Variants in MCC observed in about 807,000 individuals in gnomAD.
MCC encodes MCC regulator of Wnt signaling pathway.
Under a neutral mutation model 116.2 loss-of-function variants are expected in MCC, and 90 were observed. That is an observed-to-expected ratio of 0.77 (90% CI 0.65 to 0.92). The LOEUF (loss-of-function observed/expected upper bound fraction) is 0.92. Ranked by LOEUF, MCC falls within the 40% of genes least tolerant of loss-of-function variation. The probability of loss-of-function intolerance (pLI) is 0.00; values close to 1 mark genes in which losing one functional copy is unlikely to be tolerated. For missense variants in MCC, 1,516 were observed against 1,312.2 expected (o/e 1.16, Z -2.40); for synonymous variants, 578 against 510.5 (o/e 1.13, Z -1.78).
At chr5:113,226,222 C>T (rs1054689740) in intron 3 of MCC, among the ~76,000 whole-genome samples, 1 of 152,156 alleles carries the variant, frequency 6.6e-6, no homozygotes, top group Non-Finnish European at 1.5e-5. Flanking sequence ...ACACAAGAAA[C>T]CTTTCTGGAG....
rs146521929 is a variant in MCC at position 113,469,240 on chromosome 5, G to A, written c.170+19005C>T. ...CTTATGCTAGCTTTTGAATGTGTTT[G>A]CTCTTGCTTTTCTAGTTCTTTTAAT... On this transcript the variant is annotated intron_variant, in intron 1 of 18. Transcript: ENST00000408903. Among the ~76,000 whole-genome samples the A allele has an allele frequency of 6.0e-3, 915 of 152,138 alleles. 8 individuals carry two copies. The highest frequency in any genetic ancestry group is 0.021 in the African/African-American group (855 of 41,488).
chr5:113,314,482 T>A (rs1204262880), intron 3 of MCC, among the ~76,000 whole-genome samples: 1 of 152,246 alleles, frequency 6.6e-6, no homozygotes, highest in Non-Finnish European at 1.5e-5. Flanking sequence ...CTCCACACAG[T>A]ATAGAGCCGG....
chr5:113,199,134 C>G (rs889090288), intron 3 of MCC, among the ~76,000 whole-genome samples: 1 of 151,988 alleles, frequency 6.6e-6, no homozygotes, highest in Non-Finnish European at 1.5e-5. Context: ...CACCACTGCA[C>G]TCCATCCAGC....
At position 113,082,868 on chromosome 5, in the gene MCC, C is replaced by T. The variant is rs1381035786; in HGVS notation, c.1776G>A (p.Arg592=). The part of the protein sequence containing the change: ...KIREFEVETE[R]LNSRIEHLKS... The stretch of plus-strand genomic sequence containing the variant: ...ATACGATCTCTCCTCACCTATTCAG[C>T]CGTTCTGTTTCCACCTCAAACTCTC... Residue 592 remains arginine (R), a synonymous_variant, in exon 11 of 19, where the codon CGG becomes CGA. Transcript: ENST00000408903. 1.9e-6 allele frequency: 3 copies of T among 1,613,856 alleles called. No homozygotes were observed. Among genetic ancestry groups the T allele is most frequent in the African/African-American group, 1.3e-5 (1 of 74,924 alleles).
At chr5:113,277,518 G>A (rs576438840) in intron 3 of MCC, among the ~76,000 whole-genome samples, 53 of 152,192 alleles carry the variant, frequency 3.5e-4, no homozygotes, top group African/African-American at 1.3e-3. Context: ...CTTTCTGTAA[G>A]GAGTCCAAGG....
intron 4 of MCC, among the ~76,000 whole-genome samples, chr5:113,149,170 T>TATAAATTAG (rs1049238108): frequency 2.0e-5 from 3 of 152,070 alleles, no homozygotes; most frequent in Non-Finnish European, 2.9e-5. Context: ...TTTGGGTGGG[T>TATAAATTAG]ATAAATTAGA....
intron 5 of MCC, among the ~76,000 whole-genome samples, chr5:113,136,575 T>C (rs1245902492): frequency 1.3e-5 from 2 of 152,210 alleles, no homozygotes. Context: ...AATCAAAATT[T>C]AAACCTTTTT....
intron 3 of MCC, among the ~76,000 whole-genome samples, chr5:113,272,625 T>C (rs569966028): frequency 6.6e-6 from 1 of 152,322 alleles, no homozygotes; most frequent in South Asian, 2.1e-4. Context: ...ATGTTTCCGC[T>C]TCCAACAGCT....
chr5:113,219,358 G>A (rs1388044248), intron 3 of MCC, among the ~76,000 whole-genome samples: 1 of 152,174 alleles, frequency 6.6e-6, no homozygotes, highest in African/African-American at 2.4e-5. Context: ...CTGAACTCCT[G>A]TGAGGACTTC....
intron 3 of MCC, among the ~76,000 whole-genome samples, chr5:113,317,058 T>A (rs1229890895): frequency 6.6e-6 from 1 of 152,186 alleles, no homozygotes; most frequent in Non-Finnish European, 1.5e-5. Flanking sequence ...GCTGTCTTCA[T>A]CAGATTTCAC....
chr5:113,246,403 C>T (rs1326772596), intron 3 of MCC, among the ~76,000 whole-genome samples: 2 of 152,136 alleles, frequency 1.3e-5, no homozygotes, highest in Non-Finnish European at 2.9e-5. Context: ...GAAAAGCCTA[C>T]CCCACAGAAA....
At position 113,187,672 on chromosome 5, in the gene MCC, G is replaced by A. The variant is rs559865957; in HGVS notation, c.628-36250C>T. Among the ~76,000 whole-genome samples, 438 of 151,514 alleles carry A rather than the reference G, an allele frequency of 2.9e-3. 14 individuals carry two copies. The highest frequency in any genetic ancestry group is 1.0e-3 in the Non-Finnish European group (68 of 67,868). On this transcript the variant is annotated intron_variant, in intron 3 of 18. Transcript: ENST00000408903. ...TGGGAGGCTGAGGCGAGAGAATGGCGTGAACCCAGGAGGCGGAGCTTGCAG... is the reference window on the plus strand; with the variant it reads ...TGGGAGGCTGAGGCGAGAGAATGGCATGAACCCAGGAGGCGGAGCTTGCAG...
intron 2 of MCC, among the ~76,000 whole-genome samples, chr5:113,370,774 C>A (rs1337949632): frequency 2.6e-5 from 4 of 152,016 alleles, no homozygotes; most frequent in Non-Finnish European, 5.9e-5. Context: ...ACACAGACAC[C>A]CCCTCCCCTT....
intron 1 of MCC, among the ~76,000 whole-genome samples, chr5:113,461,267 AC>A (rs1160944029): frequency 6.6e-6 from 1 of 152,220 alleles, no homozygotes; most frequent in African/African-American, 2.4e-5. Context: ...ACTTAAAAAA[AC>A]AAACAATAAA....
chr5:113,106,707 A>T (rs1357021520), intron 6 of MCC, among the ~76,000 whole-genome samples: 1 of 152,138 alleles, frequency 6.6e-6, no homozygotes, highest in Non-Finnish European at 1.5e-5. Flanking sequence ...CTACAGGTAC[A>T]CATGACCACA....
At chr5:113,140,101 T>C (rs927011267) in intron 5 of MCC, among the ~76,000 whole-genome samples, 4 of 152,208 alleles carry the variant, frequency 2.6e-5, no homozygotes, top group African/African-American at 4.8e-5. Flanking sequence ...ATTAATGGAA[T>C]CTTACAAATC....
At chr5:113,407,110 A>C (rs1183458254) in intron 1 of MCC, among the ~76,000 whole-genome samples, 2 of 152,114 alleles carry the variant, frequency 1.3e-5, no homozygotes, top group African/African-American at 4.8e-5. Context: ...AGTGCTTATA[A>C]CTCTAGAGTA....
At chr5:113,214,751 C>A (rs529428790) in intron 3 of MCC, among the ~76,000 whole-genome samples, 20 of 152,234 alleles carry the variant, frequency 1.3e-4, no homozygotes, top group Non-Finnish European at 1.8e-4. Flanking sequence ...ATTTTCCACA[C>A]TGTAGCCAAG....
chr5:113,227,957 G>A (rs1374671621), intron 3 of MCC, among the ~76,000 whole-genome samples: 2 of 152,144 alleles, frequency 1.3e-5, no homozygotes, highest in Non-Finnish European at 2.9e-5. Flanking sequence ...GTTAACGGCT[G>A]GTCTAATTTA....
Sources: gnomAD v4.1 joint callset for allele counts (sites outside exome capture counted in the v4.1 genomes callset) on GRCh38, gnomAD v4.1.1 for gene constraint, MANE v1.5 for transcripts, NCBI Gene and HGNC (gene_info 2026-07-23, HGNC 2026-07-21) for gene names.